PM20D2: variants seen among roughly 807,000 people sequenced by gnomAD.
PM20D2 encodes peptidase M20 domain containing 2, also known as xaa-Arg dipeptidase.
A neutral mutation model predicts 42.9 loss-of-function variants in PM20D2; 33 were observed. The observed-to-expected ratio is 0.77, with a 90% CI of 0.58 to 1.03. The LOEUF is 1.03. Among genes scored for constraint, PM20D2 ranks in the 50% least tolerant of loss-of-function variants. The pLI is 0.00. For missense variants in PM20D2, 548 were observed against 557.0 expected, an observed-to-expected ratio of 0.98 and a Z score of 0.16; for synonymous variants, 250 against 228.2, an observed-to-expected ratio of 1.10 and a Z score of -0.86.
At chr6:89,148,395 A>T (rs1010301587) in intron 1 of PM20D2, 1 of 291,228 alleles carries the variant, frequency 3.4e-6, no homozygotes, top group African/African-American at 2.3e-5. Context: ...AGCTTGTTTC[A>T]TTGTGTTCTT....
At chr6:89,154,226 A>G (rs950094169) in intron 3 of PM20D2, among the ~76,000 whole-genome samples, 1 of 152,146 alleles carries the variant, frequency 6.6e-6, no homozygotes, top group African/African-American at 2.4e-5. Flanking sequence ...ATTCTTTATA[A>G]TTCCAAATAA....
the PM20D2 span, among the ~76,000 whole-genome samples, chr6:89,126,456 C>T: frequency 1.3e-5 from 2 of 151,480 alleles, no homozygotes; most frequent in Non-Finnish European, 2.9e-5. Flanking sequence ...GAGACCGAGG[C>T]GGGTGGATCA....
the PM20D2 span, chr6:89,117,971 G>A: frequency 3.5e-6 from 5 of 1,414,772 alleles, no homozygotes; most frequent in Non-Finnish European, 4.7e-6. Context: ...CACCACAGGA[G>A]CTCCGCCGGC....
At chr6:89,108,664 G>C in the PM20D2 span, among the ~76,000 whole-genome samples, 1 of 152,176 alleles carries the variant, frequency 6.6e-6, no homozygotes, top group Non-Finnish European at 1.5e-5. Flanking sequence ...AATTAGAAGA[G>C]AGCTAGATCA....
rs758932327 is a variant in PM20D2, at chr6:89,163,255, T to G, written c.*992T>G. ...CTAAGATGAGTTTTAATTTTGTGTT[T>G]ACAGTCATCTCTTGTACAACGTGGA... is the stretch of plus-strand genomic sequence containing the variant. On this transcript the variant is annotated 3_prime_UTR_variant, in exon 7 of 7. Coordinates refer to ENST00000275072, the MANE Select transcript of PM20D2 (RefSeq NM_001010853.3). 6.6e-6 allele frequency: 1 copy of G among 152,234 alleles called. No individual in the cohort carries two copies. Among genetic ancestry groups the G allele is most frequent in the Non-Finnish European group, 1.5e-5 (1 of 68,036 alleles). 9.4% of individuals were successfully genotyped at this position (152,234 alleles called of 1,614,324 possible).
At chr6:89,117,983 C>G in the PM20D2 span, 1 of 1,313,940 alleles carries the variant, frequency 7.6e-7, no homozygotes, top group Non-Finnish European at 1.0e-6. Flanking sequence ...TCCGCCGGCC[C>G]CCGGCGCGAC....
the PM20D2 span, among the ~76,000 whole-genome samples, chr6:89,135,087 A>T: frequency 2.0e-5 from 3 of 151,108 alleles, no homozygotes; most frequent in Non-Finnish European, 4.4e-5. Context: ...GGCTTGCTGA[A>T]GGGAATCGGG....
chr6:89,136,665 T>G, the PM20D2 span, among the ~76,000 whole-genome samples: 5 of 150,780 alleles, frequency 3.3e-5, no homozygotes, highest in Admixed American at 1.3e-4. Flanking sequence ...GTGACAGAGC[T>G]AGACTCCGTC....
At chr6:89,105,589 C>T in the PM20D2 span, 1 of 1,209,118 alleles carries the variant, frequency 8.3e-7, no homozygotes, top group Non-Finnish European at 1.1e-6. Flanking sequence ...ATTTTAAAAG[C>T]ATTATTTACA....
At chr6:89,131,126 T>C in the PM20D2 span, among the ~76,000 whole-genome samples, 2 of 152,100 alleles carry the variant, frequency 1.3e-5, no homozygotes, top group East Asian at 3.9e-4. Flanking sequence ...AGCTGAGTGC[T>C]AATATGCTAG....
chr6:89,099,536 ATGT>A, the PM20D2 span, among the ~76,000 whole-genome samples: 6 of 90,946 alleles, frequency 6.6e-5, no homozygotes, highest in Admixed American at 6.5e-4. Flanking sequence ...ACACACATAC[ATGT>A]TTTTTTTTTT....
At chr6:89,121,040 C>A in the PM20D2 span, among the ~76,000 whole-genome samples, 2 of 151,670 alleles carry the variant, frequency 1.3e-5, no homozygotes, top group South Asian at 2.1e-4. Flanking sequence ...TAGAAAAAAA[C>A]CACAAAGCTC....
chr6:89,098,543 T>C, the PM20D2 span: 28 of 1,555,578 alleles, frequency 1.8e-5, no homozygotes, highest in Middle Eastern at 1.7e-4. Flanking sequence ...TAATAACTTA[T>C]ATTAAAGACG....
chr6:89,104,962 G>A, the PM20D2 span, among the ~76,000 whole-genome samples: 4 of 152,054 alleles, frequency 2.6e-5, no homozygotes, highest in African/African-American at 7.2e-5. Context: ...AGGCTGAGGT[G>A]AGAAAATTGC....
chr6:89,130,819 C>CTT, the PM20D2 span, among the ~76,000 whole-genome samples: 742 of 23,984 alleles, frequency 0.031, 62 homozygotes, highest in Non-Finnish European at 0.043. Context: ...GCTTCTTCTT[C>CTT]TTTTTTTTTT....
the PM20D2 span, among the ~76,000 whole-genome samples, chr6:89,121,938 GTAAA>G: frequency 6.6e-6 from 1 of 152,166 alleles, no homozygotes; most frequent in Non-Finnish European, 1.5e-5. Flanking sequence ...CTTTTCAAAA[GTAAA>G]TACATTTTAA....
chr6:89,146,681 C>G (rs1770580733), intron 1 of PM20D2, 72 bp downstream of exon 1: 1 of 1,232,876 alleles, frequency 8.1e-7, no homozygotes, highest in African/African-American at 1.6e-5. Context: ...GGGCGGGACT[C>G]TCGTGCGTCC....
chr6:89,134,155 C>CA, the PM20D2 span, among the ~76,000 whole-genome samples: 22 of 151,260 alleles, frequency 1.5e-4, no homozygotes, highest in South Asian at 4.4e-3. Flanking sequence ...CATTAAATGA[C>CA]AAAGGCTTTG....
At chr6:89,113,235 C>T in the PM20D2 span, among the ~76,000 whole-genome samples, 1 of 151,962 alleles carries the variant, frequency 6.6e-6, no homozygotes, top group East Asian at 1.9e-4. Context: ...AGTGCAGTGG[C>T]CGGTATTGGC....
Sources: gnomAD v4.1 joint callset for allele counts (sites outside exome capture counted in the v4.1 genomes callset) on GRCh38, gnomAD v4.1.1 for gene constraint, MANE v1.5 for transcripts, NCBI Gene and HGNC (gene_info 2026-07-23, HGNC 2026-07-21) for gene names.